Variants in DYM observed in about 807,000 individuals in gnomAD.
The protein encoded by DYM is dyggve-Melchior-Clausen syndrome protein.
Under a neutral mutation model 93.1 loss-of-function variants are expected in DYM, and 78 were observed. The observed-to-expected ratio is 0.84, with a 90% CI of 0.70 to 1.01. The LOEUF is 1.01. DYM is among the 50% of genes least tolerant of loss of function. The pLI is 0.00. For synonymous variants in DYM, 321 were observed against 319.7 expected (o/e 1.00, Z -0.04); for missense variants, 789 against 845.0 (o/e 0.93, Z 0.82).
At chr18:49,319,506 G>T (rs2062299848) in intron 8 of DYM, among the ~76,000 whole-genome samples, 1 of 152,150 alleles carries the variant, frequency 6.6e-6, no homozygotes. Flanking sequence ...GAAAACTAAA[G>T]AAATTGACAT....
At chr18:49,339,319 C>A (rs541701515) in intron 6 of DYM, among the ~76,000 whole-genome samples, 221 of 152,316 alleles carry the variant, frequency 1.5e-3, no homozygotes, top group African/African-American at 5.0e-3. Context: ...TCTAAAATGA[C>A]CCCAATCATG....
chr18:49,108,079 G>A lies in DYM; in HGVS notation c.1912-10564C>T, dbSNP rs145288603. 3.6e-3 allele frequency among the ~76,000 whole-genome samples: 515 copies of A among 145,062 alleles called. 27 individuals are homozygous for A. In the East Asian group the frequency reaches 0.082, roughly 23 times the overall value. Reference sequence around the variant, plus strand: ...CCAGTTCGAGCTTCCTGGCCACTTTGTTTACCTACTCAAGCCTTGGCAATG... The same window carrying A: ...CCAGTTCGAGCTTCCTGGCCACTTTATTTACCTACTCAAGCCTTGGCAATG... On this transcript the variant is annotated intron_variant, in intron 16 of 17. Transcript: ENST00000675505.
intron 14 of DYM, among the ~76,000 whole-genome samples, chr18:49,177,907 T>C (rs1030228423): frequency 2.0e-5 from 3 of 152,150 alleles, no homozygotes; most frequent in Admixed American, 6.6e-5. Context: ...GGATAAGATA[T>C]TCTTTGAGTT....
chr18:49,176,039 C>A (rs965675727), intron 14 of DYM, among the ~76,000 whole-genome samples: 3 of 151,956 alleles, frequency 2.0e-5, no homozygotes, highest in Admixed American at 6.6e-5. Flanking sequence ...TATGTAAACC[C>A]AATAATAACT....
chr18:49,252,216 CAAAAAAAAA>C (rs774500057), intron 13 of DYM, among the ~76,000 whole-genome samples: 37 of 27,240 alleles, frequency 1.4e-3, no homozygotes, highest in African/African-American at 4.5e-3. Flanking sequence ...AGACTTGCCT[CAAAAAAAAA>C]AAAAAAAAAA....
chr18:49,452,565 A>G (rs550647684), intron 1 of DYM, among the ~76,000 whole-genome samples: 1 of 152,198 alleles, frequency 6.6e-6, no homozygotes, highest in South Asian at 2.1e-4. Context: ...TGGTGCATTT[A>G]CAAACCTTGA....
At chr18:49,343,660 T>A (rs2064338355) in intron 6 of DYM, among the ~76,000 whole-genome samples, 2 of 152,206 alleles carry the variant, frequency 1.3e-5, no homozygotes, top group African/African-American at 2.4e-5. Context: ...TATTTTTGAA[T>A]AGTCTCTTCA....
chr18:49,160,626 A>T (rs2086995121), intron 15 of DYM, among the ~76,000 whole-genome samples: 1 of 151,706 alleles, frequency 6.6e-6, no homozygotes, highest in Non-Finnish European at 1.5e-5. Flanking sequence ...CTGCATTAAG[A>T]CCTTCTCATT....
chr18:49,263,849 G>C (rs1325045521), intron 11 of DYM, among the ~76,000 whole-genome samples: 1 of 152,166 alleles, frequency 6.6e-6, no homozygotes, highest in African/African-American at 2.4e-5. Context: ...TTTAATAAAA[G>C]TAAAATAGAT....
intron 15 of DYM, among the ~76,000 whole-genome samples, chr18:49,137,781 C>T (rs934701357): frequency 6.6e-6 from 1 of 152,196 alleles, no homozygotes; most frequent in Non-Finnish European, 1.5e-5. Context: ...AGACTGTACA[C>T]ACCACCTTAG....
chr18:49,390,008 C>T (rs1008568969), intron 3 of DYM, among the ~76,000 whole-genome samples: 13 of 152,188 alleles, frequency 8.5e-5, no homozygotes, highest in South Asian at 2.1e-4. Context: ...CACTGAATTG[C>T]GACATGGCTT....
intron 15 of DYM, among the ~76,000 whole-genome samples, chr18:49,151,167 T>C (rs888333529): frequency 2.0e-5 from 3 of 152,206 alleles, no homozygotes; most frequent in African/African-American, 7.2e-5. Flanking sequence ...GACTTAACTT[T>C]ATCTAGTGTT....
chr18:49,292,598 A>G (rs1324737545), intron 8 of DYM, among the ~76,000 whole-genome samples: 14 of 32,580 alleles, frequency 4.3e-4, no homozygotes, highest in Non-Finnish European at 5.9e-4. Flanking sequence ...GTTGGAAAAA[A>G]AAAAAAAAAA....
intron 16 of DYM, among the ~76,000 whole-genome samples, chr18:49,105,061 C>T (rs2080639588): frequency 2.0e-5 from 3 of 152,132 alleles, no homozygotes; most frequent in Admixed American, 6.6e-5. Context: ...GGTTGGTAAG[C>T]TATTAATTAT....
intron 17 of DYM, among the ~76,000 whole-genome samples, chr18:49,064,646 T>C (rs1168640375): frequency 6.6e-6 from 1 of 152,158 alleles, no homozygotes; most frequent in East Asian, 1.9e-4. Flanking sequence ...GCCTTTGCAC[T>C]TATATGTGGA....
chr18:49,305,882 AAGCTCCATTGTACC>A (rs1282176027), intron 8 of DYM, among the ~76,000 whole-genome samples: 2 of 152,184 alleles, frequency 1.3e-5, no homozygotes, highest in Non-Finnish European at 2.9e-5. Flanking sequence ...AGTAACCACC[AAGCTCCATTGTACC>A]AGCTCCATTC....
rs573063354 is a variant in DYM at position 49,432,353 on chromosome 18, G to C, written c.-53-1906C>G. Among the ~76,000 whole-genome samples the C allele has an allele frequency of 1.9e-3, 257 of 132,374 alleles. 1 individual carries two copies. The highest frequency in any genetic ancestry group is 3.2e-3 in the Non-Finnish European group (198 of 61,302). 86.8% of individuals were successfully genotyped at this position (132,374 alleles called of 152,430 possible). A position where few individuals can be genotyped will look rare whatever the true frequency, so the allele number is the denominator to read the frequency against. ...TCAAAAAAAAAAAAAAAAAAAGAAAGAAAGAAATTCTCTGAAATATATAAA... is the reference window on the plus strand; with the variant it reads ...TCAAAAAAAAAAAAAAAAAAAGAAACAAAGAAATTCTCTGAAATATATAAA... On this transcript the variant is annotated intron_variant, in intron 1 of 17. Transcript: ENST00000675505.
At chr18:49,435,737 C>A (rs1212248717) in intron 1 of DYM, among the ~76,000 whole-genome samples, 1 of 152,022 alleles carries the variant, frequency 6.6e-6, no homozygotes, top group African/African-American at 2.4e-5. Context: ...TGCAGTGAAC[C>A]GAGATCGTGC....
intron 14 of DYM, among the ~76,000 whole-genome samples, chr18:49,204,438 C>T (rs2145980052): frequency 6.6e-6 from 1 of 152,276 alleles, no homozygotes; most frequent in Non-Finnish European, 1.5e-5. Context: ...CTAATTAAAA[C>T]AATAGTAGCA....
Sources: gnomAD v4.1 joint callset for allele counts (sites outside exome capture counted in the v4.1 genomes callset) on GRCh38, gnomAD v4.1.1 for gene constraint, MANE v1.5 for transcripts, NCBI Gene and HGNC (gene_info 2026-07-23, HGNC 2026-07-21) for gene names.